Variants in GRIP1 observed in about 807,000 individuals in gnomAD.
GRIP1 encodes the protein glutamate receptor interacting protein 1.
In GRIP1, 45 loss-of-function variants were observed where a neutral mutation model predicts 129.9. The observed-to-expected ratio is 0.35, with a 90% CI of 0.27 to 0.44. The LOEUF is 0.44. Ranked by LOEUF, GRIP1 falls within the 20% of genes least tolerant of loss-of-function variation. The pLI is 1.00. For synonymous variants in GRIP1, 530 were observed against 520.8 expected (o/e 1.02, Z -0.24); for missense variants, 1,196 against 1,396.8 (o/e 0.86, Z 2.29).
chr12:66,638,167 A>T (rs56134325), intron 1 of GRIP1, among the ~76,000 whole-genome samples: 2 of 152,132 alleles, frequency 1.3e-5, no homozygotes, highest in Non-Finnish European at 2.9e-5. Context: ...GCTTGGGGTG[A>T]GAGCGATGGC....
At chr12:66,891,508 T>C (rs2040657928) in intron 1 of GRIP1, among the ~76,000 whole-genome samples, 2 of 152,126 alleles carry the variant, frequency 1.3e-5, no homozygotes, top group African/African-American at 4.8e-5. Flanking sequence ...TGGGCTGATG[T>C]GGTGATTTTA....
chr12:66,662,716 GA>G (rs1422869257), intron 1 of GRIP1, among the ~76,000 whole-genome samples: 2 of 152,120 alleles, frequency 1.3e-5, no homozygotes, highest in African/African-American at 4.8e-5. Context: ...CAGAATACTT[GA>G]TATTCTACCC....
intron 2 of GRIP1, among the ~76,000 whole-genome samples, chr12:66,581,616 A>G (rs937955622): frequency 4.6e-5 from 7 of 151,606 alleles, no homozygotes; most frequent in Non-Finnish European, 1.0e-4. Flanking sequence ...ATCAGAGAAT[A>G]CTACAAACAC....
intron 1 of GRIP1, among the ~76,000 whole-genome samples, chr12:66,949,754 C>T (rs1221321425): frequency 6.9e-6 from 1 of 145,710 alleles, no homozygotes; most frequent in East Asian, 2.0e-4. Context: ...ACACTGCATG[C>T]TCCTCCTTTT....
At chr12:66,779,526 A>G (rs1159400713) in intron 1 of GRIP1, among the ~76,000 whole-genome samples, 2 of 152,248 alleles carry the variant, frequency 1.3e-5, no homozygotes, top group South Asian at 2.1e-4. Context: ...GTATCAAAGA[A>G]TATTAAACAT....
intron 1 of GRIP1, among the ~76,000 whole-genome samples, chr12:66,818,577 G>T (rs1159485646): frequency 1.3e-5 from 2 of 152,142 alleles, no homozygotes; most frequent in African/African-American, 4.8e-5. Flanking sequence ...TGTTTTTTTG[G>T]ATACAGTCAT....
chr12:66,929,059 A>C (rs1003971033), intron 1 of GRIP1, among the ~76,000 whole-genome samples: 3 of 152,230 alleles, frequency 2.0e-5, no homozygotes, highest in African/African-American at 7.2e-5. Context: ...AACAGAACCA[A>C]GCCTCATTCT....
At chr12:66,630,653 A>C (rs1012530865) in intron 1 of GRIP1, among the ~76,000 whole-genome samples, 4 of 152,196 alleles carry the variant, frequency 2.6e-5, no homozygotes, top group African/African-American at 9.7e-5. Flanking sequence ...ACTGTCTATG[A>C]GGGCATGGAC....
intron 1 of GRIP1, among the ~76,000 whole-genome samples, chr12:66,886,999 C>T (rs1307981247): frequency 6.6e-6 from 1 of 152,192 alleles, no homozygotes; most frequent in Non-Finnish European, 1.5e-5. Flanking sequence ...CACTCTATCT[C>T]ACCATCTCCC....
intron 1 of GRIP1, among the ~76,000 whole-genome samples, chr12:66,695,254 C>A (rs552967669): frequency 6.7e-6 from 1 of 150,362 alleles, no homozygotes; most frequent in South Asian, 2.1e-4. Context: ...AACTGCTGAC[C>A]CAGCATGCAA....
At chr12:66,356,145 G>A (rs889190325) in intron 23 of GRIP1, among the ~76,000 whole-genome samples, 2 of 152,222 alleles carry the variant, frequency 1.3e-5, no homozygotes, top group African/African-American at 2.4e-5. Context: ...AGGAAGGTAG[G>A]GGGAGGGTCC....
intron 1 of GRIP1, among the ~76,000 whole-genome samples, chr12:66,751,066 T>C (rs2037111595): frequency 6.6e-6 from 1 of 152,218 alleles, no homozygotes; most frequent in Middle Eastern, 3.2e-3. Flanking sequence ...AAAAAAATTT[T>C]TTTAAGTTAA....
At chr12:66,997,566 A>C (rs894929217) in intron 1 of GRIP1, among the ~76,000 whole-genome samples, 1 of 152,172 alleles carries the variant, frequency 6.6e-6, no homozygotes, top group Admixed American at 6.6e-5. Context: ...ACTTGAGAAA[A>C]CACCCACAAG....
intron 14 of GRIP1, among the ~76,000 whole-genome samples, chr12:66,421,622 T>C (rs2057805460): frequency 6.6e-6 from 1 of 151,770 alleles, no homozygotes; most frequent in Non-Finnish European, 1.5e-5. Flanking sequence ...ATCTTTAAAT[T>C]CTGCTCACAA....
intron 7 of GRIP1, among the ~76,000 whole-genome samples, chr12:66,477,155 A>T (rs1334988297): frequency 6.6e-6 from 1 of 152,204 alleles, no homozygotes; most frequent in East Asian, 1.9e-4. Context: ...AAATCTCCTT[A>T]AGCTGATAAG....
At chr12:66,675,538 C>T (rs2034286538) in intron 1 of GRIP1, among the ~76,000 whole-genome samples, 1 of 152,180 alleles carries the variant, frequency 6.6e-6, no homozygotes, top group African/African-American at 2.4e-5. Context: ...AACATACTCC[C>T]TTCCCCTGAG....
chr12:66,529,902 G>A lies in GRIP1; in HGVS notation c.431C>T (p.Ser144Leu). The change falls in exon 5 of 25, where the codon TCA (serine) becomes TTA (leucine). Residue 144 changes from serine to leucine, a missense_variant. Physicochemically the swap from Ser to Leu is moderately radical, Grantham distance 145 (BLOSUM62 -2). Transcript: ENST00000359742. ...YELPPVSVQGSSVIFRTVEVT... is the reference protein window; with the variant it reads ...YELPPVSVQGLSVIFRTVEVT... ...CTCCACTGTTCGGAAAATAACACTT[G>A]ATCCTTGCACAGCTGAATAAAGGAA... 1.3e-6 allele frequency: 2 copies of A among 1,586,618 alleles called. No individual in the cohort carries two copies. The highest frequency in any genetic ancestry group is 1.7e-6 in the Non-Finnish European group (2 of 1,154,948).
intron 1 of GRIP1, among the ~76,000 whole-genome samples, chr12:66,835,986 C>T (rs1183111711): frequency 6.6e-6 from 1 of 152,088 alleles, no homozygotes; most frequent in Admixed American, 6.5e-5. Flanking sequence ...CATATAAAAA[C>T]TCTCTCTATA....
At chr12:66,414,054 C>G (rs559933841) in intron 15 of GRIP1, among the ~76,000 whole-genome samples, 4 of 152,086 alleles carry the variant, frequency 2.6e-5, no homozygotes, top group Middle Eastern at 3.2e-3. Context: ...AGGATGCCCT[C>G]TCATCACTCC....
Sources: gnomAD v4.1 joint callset for allele counts (sites outside exome capture counted in the v4.1 genomes callset) on GRCh38, gnomAD v4.1.1 for gene constraint, MANE v1.5 for transcripts, NCBI Gene and HGNC (gene_info 2026-07-23, HGNC 2026-07-21) for gene names.